ATXN1: variants seen among roughly 807,000 people sequenced by gnomAD.
ATXN1 encodes ataxin-1.
In ATXN1, 8 loss-of-function variants were observed where a neutral mutation model predicts 56.4. That is an observed-to-expected ratio of 0.14 (90% CI 0.08 to 0.26). The LOEUF (loss-of-function observed/expected upper bound fraction) is 0.26. ATXN1 is among the 10% of genes least tolerant of loss of function. ATXN1 has a pLI of 1.00. For synonymous variants in ATXN1, 514 were observed against 494.6 expected, an observed-to-expected ratio of 1.04 and a Z score of -0.52; for missense variants, 987 against 1,106.5, an observed-to-expected ratio of 0.89 and a Z score of 1.53.
intron 6 of ATXN1, among the ~76,000 whole-genome samples, chr6:16,404,554 T>C (rs1029659028): frequency 3.7e-4 from 57 of 152,218 alleles, no homozygotes; most frequent in African/African-American, 1.3e-3. Flanking sequence ...ACCCTTGGGG[T>C]TCCTGTCACG....
intron 6 of ATXN1, among the ~76,000 whole-genome samples, chr6:16,413,114 C>T (rs1027833250): frequency 5.3e-5 from 8 of 152,194 alleles, no homozygotes; most frequent in East Asian, 3.8e-4. Context: ...CTGAGCACTT[C>T]GTTTAAATGT....
intron 6 of ATXN1, among the ~76,000 whole-genome samples, chr6:16,409,595 G>A (rs1411288797): frequency 6.7e-6 from 1 of 149,124 alleles, no homozygotes; most frequent in Non-Finnish European, 1.5e-5. Flanking sequence ...GGAGGCTACA[G>A]TGAGCTAAGA....
intron 2 of ATXN1, among the ~76,000 whole-genome samples, chr6:16,732,519 C>T (rs150778623): frequency 6.6e-6 from 1 of 151,904 alleles, no homozygotes; most frequent in Non-Finnish European, 1.5e-5. Context: ...TGCAATAAGC[C>T]GAGATGGCAC....
At chr6:16,398,928 C>T (rs753987688) in intron 6 of ATXN1, among the ~76,000 whole-genome samples, 12 of 152,120 alleles carry the variant, frequency 7.9e-5, no homozygotes, top group Admixed American at 6.5e-5. Flanking sequence ...AAAGTTGAAC[C>T]GATTGTACAA....
At chr6:16,657,128 C>T (rs1448729424) in intron 3 of ATXN1, among the ~76,000 whole-genome samples, 1 of 150,966 alleles carries the variant, frequency 6.6e-6, no homozygotes, top group Non-Finnish European at 1.5e-5. Flanking sequence ...GGACTACAAG[C>T]GCCCGCCACT....
intron 5 of ATXN1, among the ~76,000 whole-genome samples, chr6:16,508,266 A>AAG (rs1390952131): frequency 6.6e-6 from 1 of 152,238 alleles, no homozygotes; most frequent in Non-Finnish European, 1.5e-5. Flanking sequence ...TAGTAGATAA[A>AAG]AGTTGTAAGT....
intron 3 of ATXN1, among the ~76,000 whole-genome samples, chr6:16,642,029 T>C (rs988715688): frequency 6.4e-5 from 9 of 141,250 alleles, no homozygotes; most frequent in African/African-American, 2.9e-4. Flanking sequence ...GTGACTGAAT[T>C]GATTGCTGCA....
intron 2 of ATXN1, among the ~76,000 whole-genome samples, chr6:16,724,022 G>A (rs889826652): frequency 6.6e-6 from 1 of 152,152 alleles, no homozygotes; most frequent in Admixed American, 6.6e-5. Flanking sequence ...ACGTTCAAAA[G>A]ATCTTTCTCA....
At chr6:16,577,614 T>C (rs544476414) in intron 4 of ATXN1, among the ~76,000 whole-genome samples, 99 of 152,136 alleles carry the variant, frequency 6.5e-4, no homozygotes, top group African/African-American at 2.2e-3. Context: ...CAGAATATTT[T>C]TGGAAAAATT....
At chr6:16,340,373 C>T (rs1053106196) in intron 6 of ATXN1, among the ~76,000 whole-genome samples, 15 of 152,194 alleles carry the variant, frequency 9.9e-5, no homozygotes, top group South Asian at 2.1e-4. Flanking sequence ...TGCTGAGGTT[C>T]GCGTGAGCTT....
chr6:16,693,020 C>G (rs1283683563), intron 2 of ATXN1, among the ~76,000 whole-genome samples: 1 of 152,116 alleles, frequency 6.6e-6, no homozygotes, highest in Non-Finnish European at 1.5e-5. Flanking sequence ...GCTCTAAGTT[C>G]AGATTTCAGC....
chr6:16,395,286 AAAAAACAAGAAC>A (rs1304479591), intron 6 of ATXN1, among the ~76,000 whole-genome samples: 109 of 151,324 alleles, frequency 7.2e-4, no homozygotes, highest in African/African-American at 2.6e-3. Context: ...AAAAAAAAAA[AAAAAACAAGAAC>A]AAAAACAAAA....
intron 3 of ATXN1, chr6:16,615,223 G>T (rs1309632131): frequency 6.8e-6 from 1 of 147,854 alleles, no homozygotes; most frequent in Non-Finnish European, 1.5e-5. Context: ...TCAGAGGAGC[G>T]ATTGTGGAAA....
chr6:16,679,447 G>C (rs544289374), intron 2 of ATXN1, among the ~76,000 whole-genome samples: 4 of 152,178 alleles, frequency 2.6e-5, no homozygotes, highest in African/African-American at 9.7e-5. Context: ...AGGGAGAAAG[G>C]GGGGACAGAA....
At chr6:16,466,317 CAAAAAAAAAAAAAAAA>C (rs200261208) in intron 6 of ATXN1, among the ~76,000 whole-genome samples, 46,314 of 81,688 alleles carry the variant, frequency 0.57, 10,542 homozygotes, top group East Asian at 0.81. Flanking sequence ...GACCCCATCT[CAAAAAAAAAAAAAAAA>C]AAAAAAAAAA....
intron 5 of ATXN1, among the ~76,000 whole-genome samples, chr6:16,514,856 G>C (rs1217708432): frequency 6.6e-6 from 1 of 151,906 alleles, no homozygotes; most frequent in African/African-American, 2.4e-5. Flanking sequence ...GGTGGTGGGA[G>C]GCTGTAATCC....
intron 6 of ATXN1, among the ~76,000 whole-genome samples, chr6:16,484,477 C>T (rs944862202): frequency 6.6e-6 from 1 of 152,180 alleles, no homozygotes. Flanking sequence ...TGAAGCAATA[C>T]ACAGACTTGC....
intron 4 of ATXN1, among the ~76,000 whole-genome samples, chr6:16,537,041 C>CTTTT (rs368470065): frequency 7.0e-6 from 1 of 143,026 alleles, no homozygotes. Flanking sequence ...AATGTAAAAT[C>CTTTT]TTTTTTTTTT....
intron 6 of ATXN1, among the ~76,000 whole-genome samples, chr6:16,348,230 C>T (rs1026872909): frequency 2.0e-5 from 3 of 152,136 alleles, no homozygotes; most frequent in South Asian, 2.1e-4. Flanking sequence ...CATCTAGCTA[C>T]ATTTTAAACT....
Sources: gnomAD v4.1 joint callset for allele counts (sites outside exome capture counted in the v4.1 genomes callset) on GRCh38, gnomAD v4.1.1 for gene constraint, MANE v1.5 for transcripts, NCBI Gene and HGNC (gene_info 2026-07-23, HGNC 2026-07-21) for gene names.